The following WWOX variants were observed in gnomAD, a reference collection of about 807,000 sequenced individuals.
WWOX encodes WW domain containing oxidoreductase, also known as WW domain-containing oxidoreductase.
In WWOX, 69 loss-of-function variants were observed where a neutral mutation model predicts 46.2. The observed-to-expected ratio is 1.49, with a 90% CI of 1.23 to 1.82. WWOX has a LOEUF of 1.82. Among genes scored for constraint, WWOX ranks in the 40% most tolerant of loss-of-function variants. The pLI is 0.00. For synonymous variants in WWOX, 359 were observed against 202.6 expected, an observed-to-expected ratio of 1.77 and a Z score of -6.56; for missense variants, 919 against 542.6, an observed-to-expected ratio of 1.69 and a Z score of -6.89.
chr16:78,484,327 C>T (rs1223298848), intron 8 of WWOX, among the ~76,000 whole-genome samples: 2 of 152,020 alleles, frequency 1.3e-5, no homozygotes, highest in African/African-American at 4.8e-5. Flanking sequence ...CCCTTTTGTT[C>T]ACAGATTTTT....
chr16:78,176,332 T>C (rs1248543850), intron 5 of WWOX, among the ~76,000 whole-genome samples: 1 of 152,190 alleles, frequency 6.6e-6, no homozygotes, highest in African/African-American at 2.4e-5. Flanking sequence ...TATTGAAGCT[T>C]GGGATGCACT....
rs561913732 is a variant in WWOX at position 78,790,124 on chromosome 16, A to G, written c.1056+357372A>G. On this transcript the variant is annotated intron_variant, in intron 8 of 8. Coordinates refer to ENST00000566780, the MANE Select transcript of WWOX (RefSeq NM_016373.4). The stretch of plus-strand genomic sequence containing the variant: ...CGAGTACTGTTATTGTTTCAGGATT[A>G]TTATTTTTTTTAAATTTATTTTATT... Among the ~76,000 whole-genome samples, 27 of 152,186 alleles carry G rather than the reference A, an allele frequency of 1.8e-4. No homozygotes were observed. In the South Asian group the frequency reaches 5.6e-3, roughly 32 times the overall value.
intron 8 of WWOX, among the ~76,000 whole-genome samples, chr16:78,536,345 G>C (rs769898958): frequency 3.9e-5 from 6 of 151,920 alleles, no homozygotes; most frequent in Non-Finnish European, 8.8e-5. Flanking sequence ...TGAAGGGTGT[G>C]ATCAGTTCCA....
chr16:78,820,335 C>T (rs566514150), intron 8 of WWOX, among the ~76,000 whole-genome samples: 3 of 152,168 alleles, frequency 2.0e-5, no homozygotes. Context: ...TGCCCTCCAA[C>T]AGTGGAAGTG....
At chr16:78,413,878 T>A (rs1461577746) in intron 6 of WWOX, among the ~76,000 whole-genome samples, 2 of 151,668 alleles carry the variant, frequency 1.3e-5, no homozygotes, top group African/African-American at 4.8e-5. Context: ...TCCCAGTACT[T>A]TGGGAGGCTG....
At chr16:78,725,414 C>T (rs144187750) in intron 8 of WWOX, among the ~76,000 whole-genome samples, 2,120 of 121,024 alleles carry the variant, frequency 0.018, 59 homozygotes, top group African/African-American at 0.064. Flanking sequence ...GTGGTGCAAT[C>T]TGGGCTCCCT....
At chr16:78,272,993 C>T (rs919401356) in intron 5 of WWOX, among the ~76,000 whole-genome samples, 2 of 152,132 alleles carry the variant, frequency 1.3e-5, no homozygotes, top group African/African-American at 4.8e-5. Flanking sequence ...TTACTGATTA[C>T]AGGGATTTTT....
chr16:78,950,955 G>A (rs8056512), intron 8 of WWOX, among the ~76,000 whole-genome samples: 150,610 of 152,290 alleles, frequency 0.99, 74,503 homozygotes, highest in East Asian at 1. Context: ...ATAAACATCC[G>A]GTTCTTTCCA....
chr16:78,586,357 C>G (rs1486710181), intron 8 of WWOX, among the ~76,000 whole-genome samples: 1 of 152,106 alleles, frequency 6.6e-6, no homozygotes, highest in Admixed American at 6.6e-5. Flanking sequence ...TAACCTGAGG[C>G]TAGACAAACC....
chr16:78,710,498 A>ATATATATATATATATATATATTTT (rs941311575), intron 8 of WWOX, among the ~76,000 whole-genome samples: 6 of 132,802 alleles, frequency 4.5e-5, no homozygotes, highest in African/African-American at 1.7e-4. Context: ...ATATATATAT[A>ATATATATATATATATATATATTTT]TTTATATAAA....
chr16:78,874,072 C>A (rs1318653146), intron 8 of WWOX, among the ~76,000 whole-genome samples: 1 of 150,946 alleles, frequency 6.6e-6, no homozygotes, highest in Non-Finnish European at 1.5e-5. Flanking sequence ...CCAGCCTGAC[C>A]AACCCTGTCT....
chr16:79,099,979 C>G (rs1273439797), intron 8 of WWOX, among the ~76,000 whole-genome samples: 1 of 152,206 alleles, frequency 6.6e-6, no homozygotes, highest in African/African-American at 2.4e-5. Context: ...GCTAAAGCTG[C>G]TATCCACAGG....
intron 8 of WWOX, among the ~76,000 whole-genome samples, chr16:78,637,105 C>T (rs1200626611): frequency 6.6e-6 from 1 of 152,160 alleles, no homozygotes. Flanking sequence ...CAATGCCCAT[C>T]ACACTGCCTG....
At chr16:78,142,568 C>T (rs1041238017) in intron 4 of WWOX, among the ~76,000 whole-genome samples, 2 of 152,158 alleles carry the variant, frequency 1.3e-5, no homozygotes, top group African/African-American at 2.4e-5. Context: ...AAAGCATCGT[C>T]TTGTGCAAGT....
intron 8 of WWOX, among the ~76,000 whole-genome samples, chr16:79,158,929 C>T (rs1597431260): frequency 6.6e-6 from 1 of 152,308 alleles, no homozygotes; most frequent in East Asian, 1.9e-4. Flanking sequence ...GCCCAGGACA[C>T]ACCAGGAACG....
At chr16:78,443,632 A>T (rs12445747) in intron 8 of WWOX, among the ~76,000 whole-genome samples, 4 of 152,104 alleles carry the variant, frequency 2.6e-5, no homozygotes, top group African/African-American at 9.7e-5. Context: ...GAAAGTGACT[A>T]TCTGGCCTTA....
intron 8 of WWOX, among the ~76,000 whole-genome samples, chr16:78,657,286 A>G (rs1426462653): frequency 2.6e-5 from 4 of 151,896 alleles, no homozygotes; most frequent in Admixed American, 2.6e-4. Flanking sequence ...TCTGGCTTCC[A>G]CCCTTCCAAA....
At chr16:78,889,451 C>G (rs548181556) in intron 8 of WWOX, among the ~76,000 whole-genome samples, 3 of 149,358 alleles carry the variant, frequency 2.0e-5, no homozygotes, top group East Asian at 2.0e-4. Context: ...CTTGATGTGT[C>G]TCAGAGTGAT....
chr16:78,425,921 A>G (rs942875353), intron 7 of WWOX, among the ~76,000 whole-genome samples: 5 of 152,032 alleles, frequency 3.3e-5, no homozygotes, highest in Admixed American at 6.5e-5. Flanking sequence ...GTGACCCAGA[A>G]TGAAGCTTAT....
Sources: allele counts gnomAD v4.1 joint callset (sites outside exome capture counted in the v4.1 genomes callset), GRCh38; gene constraint gnomAD v4.1.1; transcripts MANE v1.5; gene names NCBI Gene and HGNC (gene_info 2026-07-23, HGNC 2026-07-21).